Variants in SPOCK1 observed in about 807,000 individuals in gnomAD.
SPOCK1 encodes the protein SPARC (osteonectin), cwcv and kazal like domains proteoglycan 1.
Under a neutral mutation model 55.3 loss-of-function variants are expected in SPOCK1, and 23 were observed. That is an observed-to-expected ratio of 0.42 (90% CI 0.30 to 0.59). The LOEUF is 0.59. Among genes scored for constraint, SPOCK1 ranks in the 20% least tolerant of loss-of-function variants. The pLI, the probability that SPOCK1 is intolerant of heterozygous loss-of-function variation, is 0.22. For missense variants in SPOCK1, 499 were observed against 552.5 expected, an observed-to-expected ratio of 0.90 and a Z score of 0.97; for synonymous variants, 226 against 221.0, an observed-to-expected ratio of 1.02 and a Z score of -0.20.
At chr5:137,042,945 CGAA>C (rs908865014) in intron 6 of SPOCK1, among the ~76,000 whole-genome samples, 3 of 151,962 alleles carry the variant, frequency 2.0e-5, no homozygotes, top group Admixed American at 6.6e-5. Flanking sequence ...ACAACATTCC[CGAA>C]GTAGTGAGCA....
At chr5:137,137,981 C>A (rs1420786381) in intron 4 of SPOCK1, among the ~76,000 whole-genome samples, 2 of 152,076 alleles carry the variant, frequency 1.3e-5, no homozygotes, top group African/African-American at 2.4e-5. Context: ...CACACACACA[C>A]AAAATACTCT....
intron 2 of SPOCK1, among the ~76,000 whole-genome samples, chr5:137,289,593 A>G (rs895803766): frequency 5.9e-5 from 9 of 152,230 alleles, no homozygotes; most frequent in South Asian, 2.1e-4. Flanking sequence ...CAAAGCCATT[A>G]GAGCTGTATA....
intron 2 of SPOCK1, among the ~76,000 whole-genome samples, chr5:137,268,015 C>T (rs1580838429): frequency 6.6e-6 from 1 of 152,190 alleles, no homozygotes; most frequent in East Asian, 1.9e-4. Context: ...TAGAAAGCTG[C>T]CCAAAATGAA....
chr5:136,993,473 A>G (rs886976266), intron 6 of SPOCK1, among the ~76,000 whole-genome samples: 25 of 152,220 alleles, frequency 1.6e-4, no homozygotes, highest in Non-Finnish European at 5.9e-5. Context: ...GGGTCCAAGC[A>G]GTAGGCTGCT....
intron 2 of SPOCK1, among the ~76,000 whole-genome samples, chr5:137,452,866 G>A (rs1030225811): frequency 2.6e-5 from 4 of 152,054 alleles, no homozygotes; most frequent in East Asian, 1.9e-4. Context: ...ATCCAATATC[G>A]CTTTTGGTCC....
chr5:137,204,247 A>C (rs1054607419), intron 3 of SPOCK1, among the ~76,000 whole-genome samples: 1 of 152,186 alleles, frequency 6.6e-6, no homozygotes, highest in Non-Finnish European at 1.5e-5. Flanking sequence ...TTTTGTTCAG[A>C]ATATTTGTAG....
intron 5 of SPOCK1, among the ~76,000 whole-genome samples, chr5:137,087,046 T>C (rs936157863): frequency 6.6e-5 from 10 of 152,228 alleles, no homozygotes; most frequent in Non-Finnish European, 1.3e-4. Flanking sequence ...TAACAAGCTG[T>C]CATTTCCCCA....
intron 5 of SPOCK1, among the ~76,000 whole-genome samples, chr5:137,097,506 G>A (rs1753175568): frequency 6.6e-6 from 1 of 152,186 alleles, no homozygotes. Context: ...CCTGTACACA[G>A]ACTGAGCATG....
chr5:136,984,699 T>C (rs1750805214), intron 9 of SPOCK1, among the ~76,000 whole-genome samples: 1 of 152,232 alleles, frequency 6.6e-6, no homozygotes, highest in South Asian at 2.1e-4. Flanking sequence ...ATACATGTCG[T>C]TCAACCCTGT....
At chr5:137,181,788 T>C (rs1465042631) in intron 3 of SPOCK1, among the ~76,000 whole-genome samples, 1 of 152,204 alleles carries the variant, frequency 6.6e-6, no homozygotes, top group African/African-American at 2.4e-5. Flanking sequence ...CTGAGGATAA[T>C]GTATGATAAT....
chr5:137,203,342 C>T (rs1441396134), intron 3 of SPOCK1, among the ~76,000 whole-genome samples: 3 of 152,018 alleles, frequency 2.0e-5, no homozygotes, highest in African/African-American at 7.3e-5. Context: ...GAGATCTTCA[C>T]TGATAAGGTT....
chr5:136,977,817 G>A lies in SPOCK1; in HGVS notation c.*837C>T, dbSNP rs1750646803. ...GACTTCCTCAGCCTGCAGGCTACAA[G>A]AGCCAACTGTTAGTGCAAAAAAGGA... is the stretch of plus-strand genomic sequence containing the variant. On this transcript the variant is annotated 3_prime_UTR_variant, in exon 11 of 11. Transcript: ENST00000394945. The A allele has an allele frequency of 5.0e-6, 2 of 398,856 alleles. No individual in the cohort carries two copies. The highest frequency in any genetic ancestry group is 4.1e-5 in the African/African-American group (2 of 48,642). 24.7% of individuals were successfully genotyped at this position (398,856 alleles called of 1,614,324 possible).
intron 6 of SPOCK1, among the ~76,000 whole-genome samples, chr5:137,009,019 A>T (rs1464858864): frequency 6.6e-6 from 1 of 152,208 alleles, no homozygotes; most frequent in Non-Finnish European, 1.5e-5. Flanking sequence ...ATGGAAAAAT[A>T]ACAGAGATGA....
chr5:137,071,391 A>G (rs1288541028), intron 5 of SPOCK1, among the ~76,000 whole-genome samples: 2 of 152,188 alleles, frequency 1.3e-5, no homozygotes, highest in Non-Finnish European at 2.9e-5. Flanking sequence ...GGGGACCATG[A>G]CAAATACCAG....
intron 4 of SPOCK1, among the ~76,000 whole-genome samples, chr5:137,130,879 GC>G (rs1181847222): frequency 6.6e-6 from 1 of 152,224 alleles, no homozygotes; most frequent in Non-Finnish European, 1.5e-5. Context: ...TTGGAAAGGT[GC>G]CAAGGTCCCC....
intron 2 of SPOCK1, among the ~76,000 whole-genome samples, chr5:137,395,875 G>C (rs768410286): frequency 6.6e-5 from 10 of 152,156 alleles, no homozygotes; most frequent in Non-Finnish European, 1.2e-4. Context: ...GATGGGAATA[G>C]CTAACCAAGG....
chr5:137,233,227 A>T lies in SPOCK1; in HGVS notation c.232+33783T>A, dbSNP rs912269403. Among the ~76,000 whole-genome samples, 6 of 152,178 alleles carry T rather than the reference A, an allele frequency of 3.9e-5. No homozygotes were observed. The East Asian group carries it at 1.2e-3, about 29-fold the overall frequency. On this transcript the variant is annotated intron_variant, in intron 3 of 10. Transcript: ENST00000394945. ...GTACTTTATTTCTATTATTACATAC[A>T]TATGAAATAATTATACAACTCACCA...
chr5:137,450,257 G>A (rs1753227636), intron 2 of SPOCK1, among the ~76,000 whole-genome samples: 1 of 152,138 alleles, frequency 6.6e-6, no homozygotes. Flanking sequence ...CCTGTTCTAG[G>A]GAATTTATCA....
At chr5:137,013,542 G>C (rs1472064235) in intron 6 of SPOCK1, among the ~76,000 whole-genome samples, 1 of 152,172 alleles carries the variant, frequency 6.6e-6, no homozygotes, top group African/African-American at 2.4e-5. Flanking sequence ...GAGGAACCCA[G>C]TCTGGGAATC....
Sources: allele counts gnomAD v4.1 joint callset (sites outside exome capture counted in the v4.1 genomes callset), GRCh38; gene constraint gnomAD v4.1.1; transcripts MANE v1.5; gene names NCBI Gene and HGNC (gene_info 2026-07-23, HGNC 2026-07-21).